Variants in LRRFIP1 observed in about 807,000 individuals in gnomAD.
LRRFIP1 encodes leucine-rich repeat flightless-interacting protein 1.
In LRRFIP1, 62 loss-of-function variants were observed where a neutral mutation model predicts 104.4. That is an observed-to-expected ratio of 0.59 (90% CI 0.48 to 0.73). The LOEUF (loss-of-function observed/expected upper bound fraction) is 0.73. Ranked by LOEUF, LRRFIP1 falls within the 30% of genes least tolerant of loss-of-function variation. The pLI, the probability that LRRFIP1 is intolerant of heterozygous loss-of-function variation, is 0.00. For missense variants in LRRFIP1, 796 were observed against 824.5 expected, an observed-to-expected ratio of 0.97 and a Z score of 0.42; for synonymous variants, 300 against 299.0, an observed-to-expected ratio of 1.00 and a Z score of -0.03.
chr2:237,652,991 GGTT>G (rs1401353065), intron 1 of LRRFIP1, among the ~76,000 whole-genome samples: 3 of 152,150 alleles, frequency 2.0e-5, no homozygotes, highest in African/African-American at 2.4e-5. Context: ...CCCGAGATCT[GGTT>G]GTTTAAAAGT....
chr2:237,762,890 G>T (rs766137276), intron 19 of LRRFIP1: 1 of 1,614,170 alleles, frequency 6.2e-7, no homozygotes, highest in South Asian at 1.1e-5. Flanking sequence ...GTCAAATGAG[G>T]TCATGGGTGC....
At position 237,779,879 on chromosome 2, in the gene LRRFIP1, A is replaced by AT; in HGVS notation, c.*347_*348insT. The AT allele has an allele frequency of 6.4e-6, 1 of 155,102 alleles. No homozygotes were observed. The highest frequency in any genetic ancestry group is 1.3e-5 in the Non-Finnish European group (1 of 74,350). The allele number at this position is 155,102 out of a possible 1,614,324, so 9.6% of individuals were successfully genotyped here. Reference sequence around the variant, plus strand: ...AAAGTAAAGATTCAGTTGGGACTTGAGTTTTTTTTTTTTTTCATGTGTCTT... The same window carrying AT: ...AAAGTAAAGATTCAGTTGGGACTTGATGTTTTTTTTTTTTTTCATGTGTCTT... On this transcript the variant is annotated 3_prime_UTR_variant, in exon 24 of 24. Coordinates refer to ENST00000308482, the MANE Select transcript of LRRFIP1 (RefSeq NM_001137550.2).
At chr2:237,635,464 C>T (rs1436845051) in intron 1 of LRRFIP1, among the ~76,000 whole-genome samples, 1 of 152,140 alleles carries the variant, frequency 6.6e-6, no homozygotes, top group Non-Finnish European at 1.5e-5. Context: ...TCTTCATGCT[C>T]TTGATATTTG....
intron 11 of LRRFIP1, among the ~76,000 whole-genome samples, chr2:237,740,842 G>A (rs530367419): frequency 6.6e-6 from 1 of 151,276 alleles, no homozygotes; most frequent in South Asian, 2.1e-4. Context: ...CCACGGCCCA[G>A]GTGCCATTCA....
chr2:237,765,043 C>T, intron 19 of LRRFIP1: 1 of 864,184 alleles, frequency 1.2e-6, no homozygotes, highest in Non-Finnish European at 1.4e-6. Context: ...AGGTGGATCA[C>T]CTGAGGTCAA....
intron 1 of LRRFIP1, among the ~76,000 whole-genome samples, chr2:237,697,559 A>C (rs978699065): frequency 6.6e-6 from 1 of 152,206 alleles, no homozygotes; most frequent in African/African-American, 2.4e-5. Context: ...TGTTTCTTTT[A>C]TAGCTGGTTC....
intron 7 of LRRFIP1, among the ~76,000 whole-genome samples, chr2:237,727,203 A>G (rs2094791254): frequency 6.6e-6 from 1 of 152,100 alleles, no homozygotes; most frequent in Admixed American, 6.5e-5. Context: ...TAAAAATGCA[A>G]AAATTAGCCG....
chr2:237,724,660 T>G (rs2094671948), intron 7 of LRRFIP1, among the ~76,000 whole-genome samples: 1 of 152,218 alleles, frequency 6.6e-6, no homozygotes, highest in Non-Finnish European at 1.5e-5. Flanking sequence ...CCAGCAACTC[T>G]CCTGTTCTTT....
chr2:237,672,148 CT>C lies in LRRFIP1; in HGVS notation c.97-36393del, dbSNP rs147161006. On this transcript the variant is annotated intron_variant, in intron 1 of 23. Coordinates refer to ENST00000308482, the MANE Select transcript of LRRFIP1 (RefSeq NM_001137550.2). ...GTCTCTGAAAAAAATGTTTTTTTTC[CT>C]TTCTGTCTAGATCCTTTAAAATATA... is the stretch of plus-strand genomic sequence containing the variant. 7.8e-3 allele frequency among the ~76,000 whole-genome samples: 1,192 copies of C among 151,908 alleles called. 18 individuals are homozygous for C. The highest frequency in any genetic ancestry group is 0.028 in the African/African-American group (1,150 of 41,420).
intron 1 of LRRFIP1, among the ~76,000 whole-genome samples, chr2:237,666,851 TTC>T (rs1171045757): frequency 6.7e-6 from 1 of 149,416 alleles, no homozygotes; most frequent in Non-Finnish European, 1.5e-5. Context: ...TCTTTTTTCT[TTC>T]TTTCTTTCTT....
At chr2:237,701,572 C>G (rs1166371186) in intron 1 of LRRFIP1, among the ~76,000 whole-genome samples, 1 of 152,226 alleles carries the variant, frequency 6.6e-6, no homozygotes, top group Non-Finnish European at 1.5e-5. Context: ...CCTGAGTTCC[C>G]TGACCCGGAA....
intron 11 of LRRFIP1, among the ~76,000 whole-genome samples, chr2:237,748,095 G>A (rs1037590173): frequency 3.3e-5 from 5 of 152,162 alleles, no homozygotes; most frequent in African/African-American, 9.7e-5. Flanking sequence ...TCCACAGCCC[G>A]CTGTGGGTCC....
chr2:237,674,307 C>T (rs1010387914), intron 1 of LRRFIP1, among the ~76,000 whole-genome samples: 10 of 152,186 alleles, frequency 6.6e-5, no homozygotes, highest in Non-Finnish European at 2.9e-5. Flanking sequence ...TCCTAGCCTG[C>T]GCCCGCAGAT....
At chr2:237,771,216 T>G (rs940871055) in intron 20 of LRRFIP1, among the ~76,000 whole-genome samples, 3 of 151,860 alleles carry the variant, frequency 2.0e-5, no homozygotes, top group African/African-American at 7.3e-5. Flanking sequence ...TCATTGACTG[T>G]TAACTGCAAT....
chr2:237,714,276 G>A lies in LRRFIP1; in HGVS notation c.201G>A (p.Lys67=). The change falls in exon 3 of 24, where the codon AAG becomes AAA. Residue 67 remains lysine (K), a splice_region_variant and synonymous_variant. Coordinates refer to ENST00000308482, the MANE Select transcript of LRRFIP1 (RefSeq NM_001137550.2). ...RQQKEIYQVQ[K]KYYGLDTKWG... ...CTCTATAGATCTATCAGGTCCAAAA[G>A]GTAGGCTCTTCTTTCTTTATTTTCT... 6.3e-7 allele frequency: 1 copy of A among 1,599,440 alleles called. No homozygotes were observed. The highest frequency in any genetic ancestry group is 8.5e-7 in the Non-Finnish European group (1 of 1,170,260).
In LRRFIP1 at chr2:237,735,167, C is replaced by G; in HGVS notation, c.490-101C>G. 1.1e-6 allele frequency: 1 copy of G among 896,112 alleles called. No homozygotes were observed. The highest frequency in any genetic ancestry group is 1.7e-6 in the Non-Finnish European group (1 of 575,422). The allele number at this position is 896,112 out of a possible 1,614,324, so 55.5% of individuals were successfully genotyped here. On this transcript the variant is annotated intron_variant, in intron 9 of 23. Coordinates refer to ENST00000308482, the MANE Select transcript of LRRFIP1 (RefSeq NM_001137550.2). This position sits in a 1 kb window ranked among gnomAD's most constrained non-coding sequence, Gnocchi z 4.6. ...CCTGCATGCTTTTTCAGGTCATGCT[C>G]CTGGCACGTGTCAGTTTTTCACAGC...
chr2:237,672,695 C>A (rs2090528916), intron 1 of LRRFIP1, among the ~76,000 whole-genome samples: 1 of 152,200 alleles, frequency 6.6e-6, no homozygotes, highest in Admixed American at 6.5e-5. Flanking sequence ...TTCACCCTGG[C>A]ACCCGCTGTT....
chr2:237,642,800 G>T (rs543306407), intron 1 of LRRFIP1, among the ~76,000 whole-genome samples: 1 of 152,276 alleles, frequency 6.6e-6, no homozygotes, highest in East Asian at 1.9e-4. Flanking sequence ...TTAGGCTAAG[G>T]GTTCCTATTT....
chr2:237,701,808 G>A (rs531100366), intron 1 of LRRFIP1, among the ~76,000 whole-genome samples: 1 of 152,224 alleles, frequency 6.6e-6, no homozygotes, highest in Middle Eastern at 3.2e-3. Flanking sequence ...CCTTTGCAAA[G>A]CACCTCCTAA....
Sources: gnomAD v4.1 joint callset for allele counts (sites outside exome capture counted in the v4.1 genomes callset) on GRCh38, gnomAD v4.1.1 for gene constraint, Gnocchi (gnomAD v3.1) non-coding constraint, MANE v1.5 for transcripts, NCBI Gene and HGNC (gene_info 2026-07-23, HGNC 2026-07-21) for gene names.